LMNTD1: variants seen among roughly 807,000 people sequenced by gnomAD.
LMNTD1 encodes the protein lamin tail domain containing 1.
LMNTD1 carries 35 observed loss-of-function variants against 50.9 expected under a neutral mutation model. The ratio of observed to expected loss-of-function variants is 0.69; its 90% confidence interval spans 0.53 to 0.91. The LOEUF (loss-of-function observed/expected upper bound fraction) is 0.91. LMNTD1 is among the 40% of genes least tolerant of loss of function. LMNTD1 has a pLI of 0.00. For synonymous variants in LMNTD1, 153 were observed against 161.9 expected (o/e 0.94, Z 0.42); for missense variants, 470 against 475.5 (o/e 0.99, Z 0.11).
chr12:25,620,909 G>A (rs146974319), intron 1 of LMNTD1, among the ~76,000 whole-genome samples: 10 of 152,304 alleles, frequency 6.6e-5, no homozygotes, highest in African/African-American at 1.9e-4. Context: ...CAATAGGTGT[G>A]TTACCCCAAC....
chr12:25,614,364 A>G lies in LMNTD1; in HGVS notation c.58+34130T>C, dbSNP rs75292636. Among the ~76,000 whole-genome samples, 256 of 152,156 alleles carry G rather than the reference A, an allele frequency of 1.7e-3. 2 individuals are homozygous for G. Among genetic ancestry groups the G allele is most frequent in the African/African-American group, 5.9e-3 (247 of 41,526 alleles). ...GACACATTCCCTTGATGAGCTCCCT[A>G]CAACCCAAATCCTCAATTACCAGGT... On this transcript the variant is annotated intron_variant, in intron 1 of 7. Coordinates refer to the LMNTD1 transcript ENST00000445693.
chr12:25,627,885 G>A (rs930219370), intron 1 of LMNTD1, among the ~76,000 whole-genome samples: 8 of 151,892 alleles, frequency 5.3e-5, no homozygotes, highest in Admixed American at 5.2e-4. Context: ...CGAGACGGGC[G>A]GATCACGAGG....
At chr12:25,607,043 T>C (rs1290231795) in intron 1 of LMNTD1, among the ~76,000 whole-genome samples, 1 of 152,220 alleles carries the variant, frequency 6.6e-6, no homozygotes, top group East Asian at 1.9e-4. Context: ...ATTCCACTTC[T>C]TGCTGGTTTA....
rs1941694631 is a variant in LMNTD1, at chr12:25,526,187, T to A, written c.710A>T (p.Gln237Leu). Reference protein sequence around the residue: ...VWAAASEAKHQPPSDFLWKEQ... With the variant: ...VWAAASEAKHLPPSDFLWKEQ... ...CTTCCAAAGAAAATCTGATGGAGGT[T>A]GATGCTTTGCTTCAGATGCTGCTGC... The change falls in exon 6 of 10, where the codon CAA becomes CTA. Residue 237 changes from glutamine (Q) to leucine (L), a missense_variant. Physicochemically the swap from Gln to Leu is moderately radical, Grantham distance 113. Transcript: ENST00000458174. 6.2e-7 allele frequency: 1 copy of A among 1,610,946 alleles called. No homozygotes were observed. Among genetic ancestry groups the A allele is most frequent in the South Asian group, 1.1e-5 (1 of 90,756 alleles).
intron 1 of LMNTD1, among the ~76,000 whole-genome samples, chr12:25,561,126 T>C (rs1944295121): frequency 6.6e-6 from 1 of 152,210 alleles, no homozygotes; most frequent in Non-Finnish European, 1.5e-5. Flanking sequence ...GAAGGGTTTT[T>C]TGTGTCTCTA....
At chr12:25,518,472 C>T (rs1393134969) in intron 8 of LMNTD1, among the ~76,000 whole-genome samples, 1 of 140,712 alleles carries the variant, frequency 7.1e-6, no homozygotes, top group Admixed American at 7.5e-5. Context: ...ACAGTTTTTG[C>T]TGCCTGATGA....
At chr12:25,573,537 A>AACATGC (rs1164738321) in intron 1 of LMNTD1, among the ~76,000 whole-genome samples, 1 of 152,192 alleles carries the variant, frequency 6.6e-6, no homozygotes, top group Non-Finnish European at 1.5e-5. Context: ...GTCACAACAT[A>AACATGC]ACATGCCAGG....
chr12:25,634,661 G>A (rs1017631563), intron 1 of LMNTD1, among the ~76,000 whole-genome samples: 5 of 152,136 alleles, frequency 3.3e-5, no homozygotes, highest in African/African-American at 1.2e-4. Flanking sequence ...ATAGCTCAAT[G>A]TGATAAAAGC....
intron 1 of LMNTD1, among the ~76,000 whole-genome samples, chr12:25,593,643 G>A (rs1945766450): frequency 6.6e-6 from 1 of 152,060 alleles, no homozygotes; most frequent in African/African-American, 2.4e-5. Context: ...ACGACAAAAT[G>A]AGGTTCTTTA....
At chr12:25,638,409 G>A (rs1946882201) in intron 1 of LMNTD1, among the ~76,000 whole-genome samples, 1 of 151,894 alleles carries the variant, frequency 6.6e-6, no homozygotes, top group East Asian at 1.9e-4. Context: ...TTATCTATTT[G>A]CAAATAACAT....
chr12:25,580,420 T>C (rs192363970), intron 1 of LMNTD1, among the ~76,000 whole-genome samples: 17 of 152,160 alleles, frequency 1.1e-4, no homozygotes, highest in East Asian at 7.7e-4. Context: ...TTAAATATTA[T>C]GAATAACACT....
chr12:25,616,046 G>A (rs966416364), intron 1 of LMNTD1, among the ~76,000 whole-genome samples: 3 of 151,586 alleles, frequency 2.0e-5, no homozygotes, highest in Admixed American at 2.0e-4. Context: ...TCTACTTCTA[G>A]TAGGGGAGAC....
chr12:25,596,403 A>T (rs185127152), intron 1 of LMNTD1, among the ~76,000 whole-genome samples: 38 of 152,276 alleles, frequency 2.5e-4, no homozygotes, highest in African/African-American at 9.1e-4. Flanking sequence ...CATACCAGGG[A>T]TACAGGGATG....
chr12:25,496,892 C>T (rs961981749), intron 9 of LMNTD1, among the ~76,000 whole-genome samples: 3 of 152,042 alleles, frequency 2.0e-5, no homozygotes, highest in Admixed American at 2.0e-4. Flanking sequence ...CAGCACAGCC[C>T]CTAGTAAACT....
intron 9 of LMNTD1, among the ~76,000 whole-genome samples, chr12:25,484,881 CA>C: frequency 6.8e-6 from 1 of 146,920 alleles, no homozygotes; most frequent in South Asian, 2.2e-4. Flanking sequence ...ATATGTGCCA[CA>C]TTTTCTTAAT....
At chr12:25,535,967 T>C (rs1942550414) in intron 4 of LMNTD1, among the ~76,000 whole-genome samples, 1 of 143,016 alleles carries the variant, frequency 7.0e-6, no homozygotes, top group Non-Finnish European at 1.5e-5. Context: ...GAACAAAGAA[T>C]ATTGCCAGGA....
chr12:25,644,789 C>G (rs148593054), intron 1 of LMNTD1, among the ~76,000 whole-genome samples: 2 of 151,972 alleles, frequency 1.3e-5, no homozygotes, highest in Non-Finnish European at 2.9e-5. Flanking sequence ...AGAGTAGGAC[C>G]GGAAGGATTC....
chr12:25,639,205 G>C (rs1263441185), intron 1 of LMNTD1, among the ~76,000 whole-genome samples: 1 of 152,138 alleles, frequency 6.6e-6, no homozygotes, highest in Non-Finnish European at 1.5e-5. Context: ...TTAGAACTAT[G>C]AAACTTTGAG....
intron 4 of LMNTD1, among the ~76,000 whole-genome samples, chr12:25,540,942 G>A (rs10842577): frequency 0.76 from 99,136 of 130,868 alleles, 38,718 homozygotes; most frequent in East Asian, 0.89. Flanking sequence ...ACAGACAAAC[G>A]GAGAACCAAA....
Sources: gnomAD v4.1 joint callset for allele counts (sites outside exome capture counted in the v4.1 genomes callset) on GRCh38, gnomAD v4.1.1 for gene constraint, MANE v1.5 for transcripts, NCBI Gene and HGNC (gene_info 2026-07-23, HGNC 2026-07-21) for gene names.